The following MMRN2 variants were observed in gnomAD, a reference collection of about 807,000 sequenced individuals.
MMRN2 encodes the protein multimerin 2, also known as multimerin-2.
In MMRN2, 53 loss-of-function variants were observed where a neutral mutation model predicts 68.8. The observed-to-expected ratio is 0.77, with a 90% confidence interval of 0.62 to 0.97. MMRN2 has a LOEUF of 0.97. Among genes scored for constraint, MMRN2 ranks in the 50% least tolerant of loss-of-function variants. The probability of loss-of-function intolerance (pLI) is 0.00; values close to 1 mark genes in which losing one functional copy is unlikely to be tolerated. For synonymous variants in MMRN2, 564 were observed against 551.6 expected (o/e 1.02, Z -0.32); for missense variants, 1,266 against 1,259.5 (o/e 1.01, Z -0.08).
chr10:86,935,612 C>A lies in MMRN2; in HGVS notation c.*1131G>T, dbSNP rs1843865727. On this transcript the variant is annotated 3_prime_UTR_variant, in exon 7 of 7. Coordinates refer to ENST00000372027, the MANE Select transcript of MMRN2 (RefSeq NM_024756.3). Reference sequence around the variant, plus strand: ...TTTTTACAGTCTTCTTTCCCTCCTCCCTCAGCTGCCTCCTGGTTAGAGATG... The same window carrying A: ...TTTTTACAGTCTTCTTTCCCTCCTCACTCAGCTGCCTCCTGGTTAGAGATG... 1 of 152,166 alleles carries A rather than the reference C, an allele frequency of 6.6e-6. No individual in the cohort carries two copies. Among genetic ancestry groups the A allele is most frequent in the Non-Finnish European group, 1.5e-5 (1 of 68,032 alleles). 9.4% of individuals were successfully genotyped at this position (152,166 alleles called of 1,614,324 possible).
chr10:86,942,002 C>G (rs1843978189), intron 6 of MMRN2, among the ~76,000 whole-genome samples: 1 of 152,038 alleles, frequency 6.6e-6, no homozygotes, highest in Non-Finnish European at 1.5e-5. Context: ...GCTGCCCTGG[C>G]AGGGCAGGAG....
chr10:86,952,001 T>C (rs1015921538), intron 1 of MMRN2, among the ~76,000 whole-genome samples: 1 of 152,154 alleles, frequency 6.6e-6, no homozygotes, highest in African/African-American at 2.4e-5. Context: ...TGAGCCGACA[T>C]TGAACCACTG....
chr10:86,948,319 A>G (rs929727266), intron 1 of MMRN2, among the ~76,000 whole-genome samples: 2 of 152,078 alleles, frequency 1.3e-5, no homozygotes, highest in Non-Finnish European at 2.9e-5. Flanking sequence ...AGAACCACTC[A>G]AACATTTGTA....
intron 1 of MMRN2, among the ~76,000 whole-genome samples, chr10:86,953,614 G>C (rs1477402051): frequency 6.6e-6 from 1 of 152,144 alleles, no homozygotes; most frequent in Non-Finnish European, 1.5e-5. Flanking sequence ...CTCATGACTA[G>C]GTATCTCATG....
intron 1 of MMRN2, among the ~76,000 whole-genome samples, chr10:86,951,050 T>G (rs1844137871): frequency 6.6e-6 from 1 of 151,962 alleles, no homozygotes; most frequent in Non-Finnish European, 1.5e-5. Flanking sequence ...ATCACGCCAT[T>G]GCACTCCAGC....
chr10:86,942,229 C>T lies in MMRN2; in HGVS notation c.2467+88G>A, dbSNP rs1025319170. Reference sequence around the variant, plus strand: ...GACGGATGGCCATCCTGTTCTCTTTCTTCCTGGCCCTCTTGGAGGCAGAAG... The same window carrying T: ...GACGGATGGCCATCCTGTTCTCTTTTTTCCTGGCCCTCTTGGAGGCAGAAG... On this transcript the variant is annotated intron_variant, in intron 6 of 6. Transcript: ENST00000372027. 38 of 1,464,268 alleles carry T rather than the reference C, an allele frequency of 2.6e-5. No individual in the cohort carries two copies. The Admixed American group carries it at 7.8e-4, about 30-fold the overall frequency. 90.7% of individuals were successfully genotyped at this position (1,464,268 alleles called of 1,614,324 possible).
chr10:86,941,610 C>G (rs1843967592), intron 6 of MMRN2, among the ~76,000 whole-genome samples: 1 of 151,754 alleles, frequency 6.6e-6, no homozygotes, highest in Non-Finnish European at 1.5e-5. Flanking sequence ...CCAGCCTGGG[C>G]ACCATAGCAA....
At chr10:86,952,217 G>C (rs562006856) in intron 1 of MMRN2, among the ~76,000 whole-genome samples, 8 of 152,288 alleles carry the variant, frequency 5.3e-5, no homozygotes, top group African/African-American at 1.7e-4. Flanking sequence ...CAAGGGATCA[G>C]TCAACGTAAA....
intron 6 of MMRN2, among the ~76,000 whole-genome samples, chr10:86,938,671 TC>T (rs1232477922): frequency 6.6e-6 from 1 of 152,152 alleles, no homozygotes; most frequent in African/African-American, 2.4e-5. Context: ...GGTCCCCATT[TC>T]TTAGGTGATA....
At chr10:86,950,103 T>C (rs927897066) in intron 1 of MMRN2, among the ~76,000 whole-genome samples, 10 of 151,722 alleles carry the variant, frequency 6.6e-5, no homozygotes, top group East Asian at 1.9e-4. Flanking sequence ...TCCCAGCACT[T>C]TGGGAGGCCG....
chr10:86,943,355 G>C lies in MMRN2; in HGVS notation c.1429C>G (p.His477Asp). 6.2e-7 allele frequency: 1 copy of C among 1,613,968 alleles called. No individual in the cohort carries two copies. The highest frequency in any genetic ancestry group is 8.5e-7 in the Non-Finnish European group (1 of 1,179,988). ...QLLELNLTLQHLQGGHADLIK... is the reference protein window; with the variant it reads ...QLLELNLTLQDLQGGHADLIK... ...AGGTCGGCATGGCCACCCTGCAGGT[G>C]CTGCAGCGTGAGGTTGAGCTCCAGG... is the stretch of plus-strand genomic sequence containing the variant. The change falls in exon 6 of 7, where the codon CAC (histidine) becomes GAC (aspartate). Residue 477 changes from histidine (H) to aspartate (D), a missense_variant. Coordinates refer to ENST00000372027, the MANE Select transcript of MMRN2 (RefSeq NM_024756.3). This position sits in a 1 kb window ranked among gnomAD's most constrained non-coding sequence, Gnocchi z 4.2.
intron 1 of MMRN2, among the ~76,000 whole-genome samples, chr10:86,951,659 C>G (rs1265904842): frequency 6.6e-6 from 1 of 152,196 alleles, no homozygotes; most frequent in Non-Finnish European, 1.5e-5. Context: ...CCATAGTTTT[C>G]TGACCCCTGC....
Position 86,942,737 on chromosome 10 carries a change from C to G in MMRN2, c.2047G>C (p.Asp683His), listed in dbSNP as rs1258286036. The change falls in exon 6 of 7, where the codon GAC becomes CAC. Residue 683 changes from aspartate to histidine, a missense_variant. Asp to His is a moderately conservative substitution (Grantham distance 81, BLOSUM62 -1). Transcript: ENST00000372027. The stretch of plus-strand genomic sequence containing the variant: ...GTGGCGGCCTCCTCGCGGCCCGCGT[C>G]GTGGCTGGGCTCCAGGTGCTCTGCC... ...RPAEHLEPSH[D>H]AGREEAATTA... The G allele has an allele frequency of 4.9e-6, 7 of 1,415,652 alleles. No homozygotes were observed. The highest frequency in any genetic ancestry group is 3.0e-5 in the Admixed American group (1 of 32,910). The allele number at this position is 1,415,652 out of a possible 1,614,324, so 87.7% of individuals were successfully genotyped here.
rs530893625 is a variant in MMRN2 at position 86,951,722 on chromosome 10, A to G, written c.164+5656T>C. On this transcript the variant is annotated intron_variant, in intron 1 of 6. Transcript: ENST00000372027. ...GAAACTTAAAAAAAAAATCATTTTC[A>G]TCAGGAAGAGAAAATGCAGATGAAT... is the stretch of plus-strand genomic sequence containing the variant. Among the ~76,000 whole-genome samples, 5 of 152,242 alleles carry G rather than the reference A, an allele frequency of 3.3e-5. No homozygotes were observed. In the South Asian group the frequency reaches 1.0e-3, roughly 32 times the overall value.
At chr10:86,942,129 A>G (rs1455732431) in intron 6 of MMRN2, among the ~76,000 whole-genome samples, 188 bp downstream of exon 6, 12 of 152,170 alleles carry the variant, frequency 7.9e-5, no homozygotes, top group Admixed American at 4.6e-4. Flanking sequence ...CTGTCTCCCC[A>G]TAAGCCAGGT....
intron 6 of MMRN2, among the ~76,000 whole-genome samples, chr10:86,940,720 C>T (rs1454274215): frequency 6.6e-6 from 1 of 152,184 alleles, no homozygotes; most frequent in African/African-American, 2.4e-5. Flanking sequence ...TGGGACGGGA[C>T]CTTCAACAAG....
At position 86,943,391 on chromosome 10, in the gene MMRN2, C is replaced by T. The variant is rs1844009528; in HGVS notation, c.1393G>A (p.Glu465Lys). The T allele has an allele frequency of 1.9e-6, 3 of 1,614,082 alleles. No individual in the cohort carries two copies. Among genetic ancestry groups the T allele is most frequent in the Non-Finnish European group, 1.7e-6 (2 of 1,180,008 alleles). The change falls in exon 6 of 7, where the codon GAG becomes AAG. Residue 465 changes from glutamate (E) to lysine (K), a missense_variant. By Grantham distance (56) the Glu-to-Lys change is moderately conservative. Transcript: ENST00000372027. This position sits in a 1 kb window ranked among gnomAD's most constrained non-coding sequence, Gnocchi z 4.2. The part of the protein sequence containing the change: ...LIMEENKEEV[E>K]RQLLELNLTL... ...AGGTTGAGCTCCAGGAGCTGCCGCT[C>T]CACCTCCTCCTTGTTCTCCTCCATG...
chr10:86,943,583 T>C lies in MMRN2; in HGVS notation c.1201A>G (p.Met401Val), dbSNP rs1844015764. Residue 401 changes from methionine to valine, a missense_variant, in exon 6 of 7, where the codon ATG becomes GTG. By Grantham distance (21) the Met-to-Val change is conservative. Transcript: ENST00000372027. The surrounding 1 kb of genome is among the most constrained non-coding windows in gnomAD (Gnocchi z 4.2). The part of the protein sequence containing the change: ...EEELQYTLED[M>V]RATLTRHVDE... ...ACGTGCCGGGTCAGGGTGGCCCTCA[T>C]GTCCTCCAGGGTGTACTGCAACTCC... 3 of 1,614,150 alleles carry C rather than the reference T, an allele frequency of 1.9e-6. No homozygotes were observed. Among genetic ancestry groups the C allele is most frequent in the Non-Finnish European group, 2.5e-6 (3 of 1,180,038 alleles).
Position 86,944,072 on chromosome 10 carries a change from G to T in MMRN2, c.712C>A (p.Gln238Lys). 6.2e-7 allele frequency: 1 copy of T among 1,614,154 alleles called. No individual in the cohort carries two copies. The highest frequency in any genetic ancestry group is 8.5e-7 in the Non-Finnish European group (1 of 1,180,034). The change falls in exon 6 of 7, where the codon CAA (glutamine) becomes AAA (lysine). Residue 238 changes from glutamine to lysine, a missense_variant. Transcript: ENST00000372027. Reference protein sequence around the residue: ...VLLPHVDTFLQVHFSPIWRSF... With the variant: ...VLLPHVDTFLKVHFSPIWRSF... Reference sequence around the variant, plus strand: ...CTCCAGATGGGGCTGAAATGCACTTGTAGGAAGGTGTCCACGTGGGGTAGC... The same window carrying T: ...CTCCAGATGGGGCTGAAATGCACTTTTAGGAAGGTGTCCACGTGGGGTAGC...
Sources: gnomAD v4.1 joint callset for allele counts (sites outside exome capture counted in the v4.1 genomes callset) on GRCh38, gnomAD v4.1.1 for gene constraint, Gnocchi (gnomAD v3.1) non-coding constraint, MANE v1.5 for transcripts, NCBI Gene and HGNC (gene_info 2026-07-23, HGNC 2026-07-21) for gene names.